The following DLGAP2 variants were observed in gnomAD, a reference collection of about 807,000 sequenced individuals.
DLGAP2 encodes the protein DLG associated protein 2.
Under a neutral mutation model 100.3 loss-of-function variants are expected in DLGAP2, and 26 were observed. The ratio of observed to expected loss-of-function variants is 0.26; its 90% confidence interval spans 0.19 to 0.36. The LOEUF (loss-of-function observed/expected upper bound fraction) is 0.36, where lower values mean the gene tolerates loss of function less well. Among genes scored for constraint, DLGAP2 ranks in the 10% least tolerant of loss-of-function variants. The pLI is 1.00. For missense variants in DLGAP2, 1,858 were observed against 1,453.2 expected (o/e 1.28, Z -4.53); for synonymous variants, 886 against 630.1 (o/e 1.41, Z -6.08).
chr8:1,344,195 CTCGGGGCCCTGTCG>C (rs1801500683), intron 3 of DLGAP2, among the ~76,000 whole-genome samples: 1 of 118,660 alleles, frequency 8.4e-6, no homozygotes, highest in African/African-American at 2.9e-5. Flanking sequence ...GGTCCGTGTA[CTCGGGGCCCTGTCG>C]TGGGGCCTGT....
chr8:780,564 T>A (rs549697138), intron 1 of DLGAP2, among the ~76,000 whole-genome samples: 1 of 152,174 alleles, frequency 6.6e-6, no homozygotes, highest in African/African-American at 2.4e-5. Context: ...TCCACAGCAT[T>A]TCACTAATTT....
intron 6 of DLGAP2, among the ~76,000 whole-genome samples, chr8:1,575,675 C>A (rs1401192820): frequency 7.5e-6 from 1 of 132,656 alleles, no homozygotes; most frequent in Non-Finnish European, 1.5e-5. Context: ...GTGTCCAAGT[C>A]TTCTCATTGT....
rs141175710 is a variant in DLGAP2 at position 1,189,690 on chromosome 8, C to A, written c.74-69161C>A. ...CAATGACAGGGCCGAGTTTTCCCCT[C>A]AGGAAGTTTACAGTTTGTAATATGA... On this transcript the variant is annotated intron_variant, in intron 2 of 14. Transcript: ENST00000637795. 2.6e-4 allele frequency among the ~76,000 whole-genome samples: 40 copies of A among 152,260 alleles called. No individual in the cohort carries two copies. In the East Asian group the frequency reaches 6.8e-3, roughly 26 times the overall value.
chr8:1,421,407 C>G (rs1797083779), intron 3 of DLGAP2, among the ~76,000 whole-genome samples: 1 of 152,126 alleles, frequency 6.6e-6, no homozygotes, highest in South Asian at 2.1e-4. Flanking sequence ...CTGAGGCTCT[C>G]AGAATAATAA....
At chr8:1,451,058 C>T (rs574402438) in intron 3 of DLGAP2, among the ~76,000 whole-genome samples, 61 of 152,054 alleles carry the variant, frequency 4.0e-4, no homozygotes, top group Non-Finnish European at 7.9e-4. Context: ...GTGGTCCCTA[C>T]GGTGGTTTTA....
intron 1 of DLGAP2, among the ~76,000 whole-genome samples, chr8:861,372 C>G (rs1012004196): frequency 2.0e-5 from 3 of 152,144 alleles, no homozygotes; most frequent in African/African-American, 7.2e-5. Flanking sequence ...AACCCCTCCT[C>G]ACACATACCG....
intron 2 of DLGAP2, among the ~76,000 whole-genome samples, chr8:1,063,813 C>T (rs1221723937): frequency 6.6e-6 from 1 of 152,118 alleles, no homozygotes; most frequent in Admixed American, 6.5e-5. Flanking sequence ...TCCCAGAGCT[C>T]GGTGCCTCTC....
intron 6 of DLGAP2, among the ~76,000 whole-genome samples, chr8:1,569,369 A>G (rs1243744945): frequency 1.3e-5 from 2 of 152,240 alleles, no homozygotes; most frequent in African/African-American, 2.4e-5. Context: ...GTTGTAGATA[A>G]TAAAGCAGAG....
chr8:1,033,484 T>C (rs1268287440), intron 2 of DLGAP2, among the ~76,000 whole-genome samples: 1 of 152,070 alleles, frequency 6.6e-6, no homozygotes, highest in East Asian at 1.9e-4. Flanking sequence ...CTGGGCAACA[T>C]GGCAAAACCC....
At chr8:1,293,099 A>G (rs1011533525) in intron 3 of DLGAP2, among the ~76,000 whole-genome samples, 1 of 152,172 alleles carries the variant, frequency 6.6e-6, no homozygotes, top group Non-Finnish European at 1.5e-5. Flanking sequence ...AGGGGTACTC[A>G]TGAGCAGGGT....
chr8:861,883 C>G (rs536485759), intron 1 of DLGAP2, among the ~76,000 whole-genome samples: 1 of 152,110 alleles, frequency 6.6e-6, no homozygotes, highest in African/African-American at 2.4e-5. Flanking sequence ...GTTGTTTTAT[C>G]CATTAGGTAA....
chr8:949,994 A>C (rs1018406410), intron 2 of DLGAP2, among the ~76,000 whole-genome samples: 10 of 152,164 alleles, frequency 6.6e-5, no homozygotes, highest in African/African-American at 2.4e-4. Flanking sequence ...CACACACACA[A>C]AGAGACACTC....
At chr8:1,356,745 G>C (rs1563102867) in intron 3 of DLGAP2, among the ~76,000 whole-genome samples, 1 of 152,224 alleles carries the variant, frequency 6.6e-6, no homozygotes, top group Non-Finnish European at 1.5e-5. Flanking sequence ...GGCCAAGTAT[G>C]GATGAAAAAC....
intron 2 of DLGAP2, among the ~76,000 whole-genome samples, chr8:1,208,626 A>G (rs911003427): frequency 7.9e-5 from 12 of 152,134 alleles, no homozygotes; most frequent in African/African-American, 2.7e-4. Flanking sequence ...AGTCCTAGCC[A>G]GAGCAATCAG....
chr8:1,279,445 T>A (rs1799771384), intron 3 of DLGAP2, among the ~76,000 whole-genome samples: 1 of 152,202 alleles, frequency 6.6e-6, no homozygotes, highest in South Asian at 2.1e-4. Context: ...AAACTAAGCT[T>A]CAAGGCGGAA....
chr8:1,364,438 A>T (rs1384107752), intron 3 of DLGAP2, among the ~76,000 whole-genome samples: 2 of 145,918 alleles, frequency 1.4e-5, no homozygotes, highest in East Asian at 4.4e-4. Context: ...GACCTTCAGG[A>T]ACCCCAGATT....
rs115484146 is a variant in DLGAP2, at chr8:1,499,439, T to C, written c.107-1927T>C. Among the ~76,000 whole-genome samples the C allele has an allele frequency of 6.6e-3, 1,009 of 152,354 alleles. 11 individuals are homozygous for C. The highest frequency in any genetic ancestry group is 0.023 in the African/African-American group (942 of 41,586). On this transcript the variant is annotated intron_variant, in intron 3 of 14. Transcript: ENST00000637795. ...TTTCTCACACAGCTGGACGCTCTGT[T>C]CTCACATTACTCACACATATGACGA...
At chr8:1,518,562 C>T (rs1351871679) in intron 4 of DLGAP2, among the ~76,000 whole-genome samples, 1 of 152,098 alleles carries the variant, frequency 6.6e-6, no homozygotes, top group Non-Finnish European at 1.5e-5. Context: ...GAGTCTCATC[C>T]AACCTTGATC....
intron 2 of DLGAP2, among the ~76,000 whole-genome samples, chr8:1,041,220 G>C (rs1396143921): frequency 6.6e-6 from 1 of 152,186 alleles, no homozygotes. Flanking sequence ...ATCTGCCACA[G>C]ACCCCAAACC....
Sources: gnomAD v4.1 joint callset for allele counts (sites outside exome capture counted in the v4.1 genomes callset) on GRCh38, gnomAD v4.1.1 for gene constraint, MANE v1.5 for transcripts, NCBI Gene and HGNC (gene_info 2026-07-23, HGNC 2026-07-21) for gene names.